Variants in NDUFB5 observed in about 807,000 individuals in gnomAD.
The protein encoded by NDUFB5 is NADH:ubiquinone oxidoreductase subunit B5, also known as NADH dehydrogenase [ubiquinone] 1 beta subcomplex subunit 5, mitochondrial.
A neutral mutation model predicts 19.4 loss-of-function variants in NDUFB5; 19 were observed. The ratio of observed to expected loss-of-function variants is 0.98; its 90% CI spans 0.68 to 1.43. The LOEUF is 1.43. NDUFB5 is among the 40% of genes most tolerant of loss of function. The pLI is 0.00. For missense variants in NDUFB5, 233 were observed against 236.5 expected (o/e 0.99, Z 0.10); for synonymous variants, 80 against 82.6 (o/e 0.97, Z 0.17).
rs895974557 is a variant in NDUFB5, at chr3:179,615,737, G to A, written c.214-246G>A. 5.3e-6 allele frequency: 3 copies of A among 563,810 alleles called. No homozygotes were observed. The African/African-American group carries it at 5.7e-5, about 11-fold the overall frequency. The allele number at this position is 563,810 out of a possible 1,614,324, so 34.9% of individuals were successfully genotyped here. On this transcript the variant is annotated intron_variant, in intron 2 of 5. Transcript: ENST00000259037. The stretch of plus-strand genomic sequence containing the variant: ...GCCCTTACTTTTCTTGTTATGACCA[G>A]CTCAAATCCTATTTAGTGGTAGAAA...
intron 1 of NDUFB5, among the ~76,000 whole-genome samples, chr3:179,609,076 C>T (rs1171627939): frequency 1.3e-5 from 2 of 152,186 alleles, no homozygotes; most frequent in Non-Finnish European, 2.9e-5. Context: ...TGTTTAAGGA[C>T]CTGCTGTATG....
chr3:179,619,208 T>G (rs1457578937), intron 5 of NDUFB5, among the ~76,000 whole-genome samples: 2 of 151,494 alleles, frequency 1.3e-5, no homozygotes, highest in Non-Finnish European at 2.9e-5. Flanking sequence ...TTTTTTTTTT[T>G]TTTTTTTAAT....
chr3:179,605,654 TTATGAA>T (rs1719071307), intron 1 of NDUFB5, among the ~76,000 whole-genome samples: 1 of 152,052 alleles, frequency 6.6e-6, no homozygotes, highest in Non-Finnish European at 1.5e-5. Context: ...ACCATAATGT[TTATGAA>T]TATGATAACG....
At chr3:179,617,597 A>G (rs1719416889) in intron 4 of NDUFB5, among the ~76,000 whole-genome samples, 1 of 152,210 alleles carries the variant, frequency 6.6e-6, no homozygotes, top group Non-Finnish European at 1.5e-5. Context: ...CTAACAGAGT[A>G]ACATAATTTA....
chr3:179,615,951 G>A (rs1314285239), intron 2 of NDUFB5, 32 bp from the exon 3 acceptor site: 3 of 1,500,970 alleles, frequency 2.0e-6, no homozygotes, highest in Admixed American at 1.7e-5. Context: ...GTTACGAAAT[G>A]GTCATGAGAA....
chr3:179,607,804 A>G, intron 1 of NDUFB5: 1 of 702,624 alleles, frequency 1.4e-6, no homozygotes, highest in South Asian at 1.5e-5. Flanking sequence ...TGACTACTCT[A>G]TTTCTCATGT....
intron 1 of NDUFB5, among the ~76,000 whole-genome samples, chr3:179,608,143 A>G (rs1719151883): frequency 6.6e-6 from 1 of 151,880 alleles, no homozygotes; most frequent in Non-Finnish European, 1.5e-5. Flanking sequence ...TTGCCATCCA[A>G]TAATGAGATG....
chr3:179,611,783 G>A (rs1294093277), intron 1 of NDUFB5, among the ~76,000 whole-genome samples: 1 of 152,014 alleles, frequency 6.6e-6, no homozygotes, highest in African/African-American at 2.4e-5. Context: ...ATCATCAAAG[G>A]CTTAATAACT....
At chr3:179,607,532 G>A (rs1470807023) in intron 1 of NDUFB5, among the ~76,000 whole-genome samples, 8 of 152,114 alleles carry the variant, frequency 5.3e-5, no homozygotes, top group Non-Finnish European at 5.9e-5. Context: ...AGAGTGAGTG[G>A]AAAAAATCAA....
intron 1 of NDUFB5, among the ~76,000 whole-genome samples, chr3:179,611,486 C>T (rs1032085955): frequency 6.6e-6 from 1 of 151,660 alleles, no homozygotes; most frequent in Non-Finnish European, 1.5e-5. Flanking sequence ...GATCTTGGTT[C>T]ACCACAGTCT....
chr3:179,612,509 A>G (rs577241089), intron 1 of NDUFB5, among the ~76,000 whole-genome samples: 2 of 124,792 alleles, frequency 1.6e-5, no homozygotes, highest in East Asian at 4.5e-4. Context: ...ACAGAGTCTC[A>G]CTCTCGCCCA....
chr3:179,613,349 C>G (rs151331610), intron 1 of NDUFB5, among the ~76,000 whole-genome samples: 1 of 152,270 alleles, frequency 6.6e-6, no homozygotes, highest in African/African-American at 2.4e-5. Flanking sequence ...ACCCCCCCAT[C>G]TTGTCTAAAT....
intron 1 of NDUFB5, 38 bp from the exon 2 acceptor site, chr3:179,614,932 AT>A (rs1560025161): frequency 7.1e-7 from 1 of 1,403,034 alleles, no homozygotes; most frequent in South Asian, 1.2e-5. Flanking sequence ...GTATACCCAT[AT>A]GAACCTTGTA....
rs184026696 is a variant in NDUFB5 at position 179,604,834 on chromosome 3, T to C, written c.19T>C (p.Leu7=). 10 of 1,606,666 alleles carry C rather than the reference T, an allele frequency of 6.2e-6. 1 individual carries two copies. In the South Asian group the frequency reaches 6.6e-5, roughly 11 times the overall value. Residue 7 remains leucine (L), a synonymous_variant, in exon 1 of 6, where the codon TTG becomes CTG. Transcript: ENST00000259037. ...AGTAGCCATGGCGGCCATGAGTTTG[T>C]TGCGGCGGGTTTCGGTTACTGCGGT... MAAMSL[L]RRVSVTAVAA...
chr3:179,623,820 C>A, intron 5 of NDUFB5, 100 bp from the exon 6 acceptor site: 1 of 1,447,168 alleles, frequency 6.9e-7, no homozygotes, highest in Non-Finnish European at 9.7e-7. Flanking sequence ...TTATACTTTA[C>A]ATAAAAGCAG....
At chr3:179,605,984 GTTTCACCA>G (rs1276498767) in intron 1 of NDUFB5, among the ~76,000 whole-genome samples, 2 of 152,078 alleles carry the variant, frequency 1.3e-5, no homozygotes, top group Non-Finnish European at 2.9e-5. Flanking sequence ...TAGAGATGGG[GTTTCACCA>G]TGTTGGCCAG....
intron 2 of NDUFB5, 83 bp from the exon 3 acceptor site, chr3:179,615,900 T>A: frequency 9.4e-7 from 1 of 1,063,860 alleles, no homozygotes; most frequent in East Asian, 2.4e-5. Context: ...ATAAGAAATA[T>A]GAGGAAATCA....
Position 179,623,990 on chromosome 3 carries a change from A to G in NDUFB5, c.520A>G (p.Ile174Val). ...GDGPWYYYETIDKELIDHSPK... is the reference protein window; with the variant it reads ...GDGPWYYYETVDKELIDHSPK... ...TGGACCCTGGTATTACTATGAGACA[A>G]TTGACAAGGAACTTATTGATCATTC... Residue 174 changes from isoleucine to valine, a missense_variant, in exon 6 of 6, where the codon ATT (isoleucine) becomes GTT (valine). Transcript: ENST00000259037. The G allele has an allele frequency of 1.2e-6, 2 of 1,614,088 alleles. No homozygotes were observed. Among genetic ancestry groups the G allele is most frequent in the African/African-American group, 1.3e-5 (1 of 75,064 alleles).
At chr3:179,616,403 G>A (rs544792428) in intron 3 of NDUFB5, among the ~76,000 whole-genome samples, 29 of 152,140 alleles carry the variant, frequency 1.9e-4, no homozygotes, top group African/African-American at 6.3e-4. Flanking sequence ...CTAGCTGGGC[G>A]TGGTGGCAGG....
Sources: gnomAD v4.1 joint callset for allele counts (sites outside exome capture counted in the v4.1 genomes callset) on GRCh38, gnomAD v4.1.1 for gene constraint, MANE v1.5 for transcripts, NCBI Gene and HGNC (gene_info 2026-07-23, HGNC 2026-07-21) for gene names.